Variants in MAD1L1 observed in about 807,000 individuals in gnomAD.
MAD1L1 encodes mitotic arrest deficient 1 like 1, also known as mitotic spindle assembly checkpoint protein MAD1.
MAD1L1 carries 95 observed loss-of-function variants against 96.9 expected under a neutral mutation model. The observed-to-expected ratio is 0.98, with a 90% CI of 0.83 to 1.16. MAD1L1 has a LOEUF of 1.16. MAD1L1 is among the 50% of genes most tolerant of loss of function. MAD1L1 has a pLI of 0.00. For missense variants in MAD1L1, 1,007 were observed against 954.4 expected (o/e 1.06, Z -0.73); for synonymous variants, 473 against 396.6 (o/e 1.19, Z -2.29).
chr7:1,841,002 T>G (rs1346103780), intron 18 of MAD1L1, among the ~76,000 whole-genome samples: 1 of 152,132 alleles, frequency 6.6e-6, no homozygotes, highest in Non-Finnish European at 1.5e-5. Flanking sequence ...GATGCCCAAA[T>G]CTCTGGGCCA....
At chr7:2,172,679 G>A (rs1355607035) in intron 10 of MAD1L1, among the ~76,000 whole-genome samples, 1 of 152,256 alleles carries the variant, frequency 6.6e-6, no homozygotes, top group Non-Finnish European at 1.5e-5. Context: ...TCGAGTGCCT[G>A]ATGGGCCCTC....
intron 18 of MAD1L1, among the ~76,000 whole-genome samples, chr7:1,818,906 C>G (rs1275238842): frequency 6.6e-6 from 1 of 152,018 alleles, no homozygotes; most frequent in Non-Finnish European, 1.5e-5. Context: ...CAGTGCTACT[C>G]TCCCAGCTCA....
chr7:1,957,798 G>T, intron 15 of MAD1L1, 79 bp from the exon 16 acceptor site: 2 of 1,347,336 alleles, frequency 1.5e-6, no homozygotes, highest in South Asian at 1.2e-5. Flanking sequence ...GTGATAAGGA[G>T]GTGAAAGGTT....
intron 11 of MAD1L1, among the ~76,000 whole-genome samples, chr7:2,107,878 T>C (rs1443382162): frequency 2.6e-5 from 4 of 151,996 alleles, no homozygotes; most frequent in Non-Finnish European, 5.9e-5. Flanking sequence ...AGGGCACCCA[T>C]GGGGATGGTG....
At chr7:2,056,006 A>T (rs904478153) in intron 12 of MAD1L1, among the ~76,000 whole-genome samples, 5 of 152,152 alleles carry the variant, frequency 3.3e-5, no homozygotes, top group African/African-American at 1.2e-4. Flanking sequence ...TAAATAAAAA[A>T]CACAAATCTA....
intron 10 of MAD1L1, among the ~76,000 whole-genome samples, chr7:2,189,889 C>A (rs1447419368): frequency 6.6e-6 from 1 of 152,158 alleles, no homozygotes; most frequent in Non-Finnish European, 1.5e-5. Context: ...CTAAAACTAA[C>A]CTCATGCTTC....
intron 18 of MAD1L1, among the ~76,000 whole-genome samples, chr7:1,840,434 T>C (rs925955633): frequency 1.3e-5 from 2 of 152,130 alleles, no homozygotes; most frequent in Non-Finnish European, 2.9e-5. Flanking sequence ...AGCCGCGTCA[T>C]AAACAGTAAA....
intron 16 of MAD1L1, among the ~76,000 whole-genome samples, chr7:1,955,225 G>A (rs767940369): frequency 1.3e-5 from 2 of 152,202 alleles, no homozygotes; most frequent in Admixed American, 6.5e-5. Context: ...TCCTTGAAGC[G>A]GCCCAACTTG....
chr7:2,147,665 C>G (rs1465831610), intron 11 of MAD1L1, among the ~76,000 whole-genome samples: 3 of 152,244 alleles, frequency 2.0e-5, no homozygotes, highest in South Asian at 4.1e-4. Context: ...AGAGGGAGCC[C>G]ACAGGTCCTG....
intron 17 of MAD1L1, among the ~76,000 whole-genome samples, chr7:1,928,822 G>C (rs73671935): frequency 0.019 from 2,960 of 152,270 alleles, 105 homozygotes; most frequent in African/African-American, 0.068. Context: ...GGAGGGCACA[G>C]CTGGCTTGGC....
intron 10 of MAD1L1, among the ~76,000 whole-genome samples, chr7:2,178,003 A>T (rs1466585156): frequency 6.6e-6 from 1 of 152,226 alleles, no homozygotes; most frequent in Admixed American, 6.5e-5. Context: ...TGGTTTCATG[A>T]GTTTATAAAC....
At chr7:2,003,166 G>C (rs1360620791) in intron 13 of MAD1L1, among the ~76,000 whole-genome samples, 1 of 152,212 alleles carries the variant, frequency 6.6e-6, no homozygotes, top group Non-Finnish European at 1.5e-5. Context: ...GGGTGAGGGA[G>C]AAATCGAGAG....
chr7:1,949,148 GC>G (rs144735301), intron 16 of MAD1L1, among the ~76,000 whole-genome samples: 5,154 of 152,250 alleles, frequency 0.034, 193 homozygotes, highest in East Asian at 0.085. Context: ...CCGGGGCACG[GC>G]CCCTAGAGCT....
chr7:1,974,956 C>T (rs574509501), intron 15 of MAD1L1, among the ~76,000 whole-genome samples: 6 of 152,284 alleles, frequency 3.9e-5, no homozygotes, highest in East Asian at 1.9e-4. Flanking sequence ...AGCTGCAGGC[C>T]GGACCTGGGG....
chr7:1,828,215 G>A (rs1334478199), intron 18 of MAD1L1, among the ~76,000 whole-genome samples: 2 of 152,170 alleles, frequency 1.3e-5, no homozygotes, highest in South Asian at 2.1e-4. Flanking sequence ...AGAATATGAG[G>A]CATCAAATGT....
intron 18 of MAD1L1, among the ~76,000 whole-genome samples, chr7:1,877,255 T>G (rs1283090958): frequency 6.6e-6 from 1 of 152,188 alleles, no homozygotes; most frequent in Non-Finnish European, 1.5e-5. Context: ...GGCACACATT[T>G]GAGCTCATTA....
intron 17 of MAD1L1, among the ~76,000 whole-genome samples, chr7:1,900,440 TC>T (rs763667875): frequency 2.0e-5 from 3 of 152,086 alleles, no homozygotes; most frequent in Non-Finnish European, 2.9e-5. Flanking sequence ...GCCTCCTCCC[TC>T]CGTTGCTGGC....
chr7:2,110,827 G>A (rs1283615115), intron 11 of MAD1L1, among the ~76,000 whole-genome samples: 1 of 152,168 alleles, frequency 6.6e-6, no homozygotes, highest in Non-Finnish European at 1.5e-5. Flanking sequence ...AGCGCTTTCT[G>A]CATCTCACAG....
intron 12 of MAD1L1, among the ~76,000 whole-genome samples, chr7:2,018,152 A>T (rs1782626861): frequency 6.6e-6 from 1 of 152,176 alleles, no homozygotes; most frequent in Admixed American, 6.5e-5. Context: ...CCAGCCCCCA[A>T]GTCAGACCCA....
Sources: gnomAD v4.1 joint callset for allele counts (sites outside exome capture counted in the v4.1 genomes callset) on GRCh38, gnomAD v4.1.1 for gene constraint, MANE v1.5 for transcripts, NCBI Gene and HGNC (gene_info 2026-07-23, HGNC 2026-07-21) for gene names.